The following GATA4 variants were observed in gnomAD, a reference collection of about 807,000 sequenced individuals.
GATA4 encodes the protein transcription factor GATA-4.
In GATA4, 7 loss-of-function variants were observed where a neutral mutation model predicts 37.9. The observed-to-expected ratio is 0.18, with a 90% CI of 0.11 to 0.35. The LOEUF is 0.35. Among genes scored for constraint, GATA4 ranks in the 10% least tolerant of loss-of-function variants. GATA4 has a pLI of 1.00. For missense variants in GATA4, 647 were observed against 653.0 expected (o/e 0.99, Z 0.10); for synonymous variants, 372 against 292.6 (o/e 1.27, Z -2.77).
Position 11,758,874 on chromosome 8 carries a change from G to A in GATA4, c.*399G>A, listed in dbSNP as rs1194248300. On this transcript the variant is annotated 3_prime_UTR_variant, in exon 7 of 7. Transcript: ENST00000532059. ...GGACCCCTGCTCCAGCCCGAATGAC[G>A]GCATCTGTTTGCCATGTACCTGGAT... 1.1e-4 allele frequency: 37 copies of A among 326,358 alleles called. No individual in the cohort carries two copies. The highest frequency in any genetic ancestry group is 3.7e-4 in the Admixed American group (9 of 24,010). The allele number at this position is 326,358 out of a possible 1,614,324, so 20.2% of individuals were successfully genotyped here.
chr8:11,693,123 T>G lies in GATA4; in HGVS notation c.-729+463T>G, dbSNP rs910364193. The G allele has an allele frequency of 4.2e-5, 40 of 958,962 alleles. No homozygotes were observed. The African/African-American group carries it at 6.5e-4, about 16-fold the overall frequency. The allele number at this position is 958,962 out of a possible 1,614,324, so 59.4% of individuals were successfully genotyped here. On this transcript the variant is annotated intron_variant, in intron 1 of 2. Transcript: ENST00000526974. Reference sequence around the variant, plus strand: ...TCCACTTCTTAATCCCAGTGTCTGTTAACGATGTGGTGTTCATTTGTTCCT... The same window carrying G: ...TCCACTTCTTAATCCCAGTGTCTGTGAACGATGTGGTGTTCATTTGTTCCT...
chr8:11,680,846 T>C (rs1798943728), intron 1 of GATA4: 3 of 985,230 alleles, frequency 3.0e-6, no homozygotes, highest in Non-Finnish European at 3.6e-6. Flanking sequence ...GCAAGACACA[T>C]AGCGAAGCCC....
intron 2 of GATA4, among the ~76,000 whole-genome samples, chr8:11,711,095 T>C (rs1585603232): frequency 6.6e-6 from 1 of 151,642 alleles, no homozygotes; most frequent in South Asian, 2.1e-4. Flanking sequence ...ACAGAGGGAG[T>C]ATGTCTCAAA....
At chr8:11,747,581 A>T (rs970081064) in intron 2 of GATA4, among the ~76,000 whole-genome samples, 1 of 152,234 alleles carries the variant, frequency 6.6e-6, no homozygotes, top group Non-Finnish European at 1.5e-5. Flanking sequence ...AAATGAATGA[A>T]TGAAGCTTTT....
intron 2 of GATA4, among the ~76,000 whole-genome samples, chr8:11,731,673 G>A (rs146936542): frequency 6.6e-6 from 1 of 152,228 alleles, no homozygotes; most frequent in Non-Finnish European, 1.5e-5. Context: ...TTTCACAACA[G>A]TGTGAACACA....
intron 2 of GATA4, among the ~76,000 whole-genome samples, chr8:11,742,149 C>A (rs375128546): frequency 6.6e-6 from 1 of 152,114 alleles, no homozygotes; most frequent in Non-Finnish European, 1.5e-5. Context: ...AGTTCTTAGA[C>A]CTCCAGGGAG....
At chr8:11,718,624 C>T (rs909613106) in intron 2 of GATA4, among the ~76,000 whole-genome samples, 1 of 152,240 alleles carries the variant, frequency 6.6e-6, no homozygotes, top group African/African-American at 2.4e-5. Context: ...CCTCACGATT[C>T]TTCCAGGCAG....
At chr8:11,698,045 G>T (rs1799559198) in intron 1 of GATA4, 1 of 982,404 alleles carries the variant, frequency 1.0e-6, no homozygotes, top group Admixed American at 6.1e-5. Context: ...ACCTCGTCCC[G>T]GTCGGGTTCT....
chr8:11,715,547 C>A (rs1800400016), intron 2 of GATA4, among the ~76,000 whole-genome samples: 1 of 152,086 alleles, frequency 6.6e-6, no homozygotes, highest in Non-Finnish European at 1.5e-5. Context: ...AGGAGACCAG[C>A]CTGGCCAATG....
chr8:11,708,660 C>T lies in GATA4; in HGVS notation c.348C>T (p.Ser116=), dbSNP rs772532276. Residue 116 remains serine (S), a synonymous_variant, in exon 2 of 7, where the codon TCC becomes TCT. Coordinates refer to ENST00000532059, the MANE Select transcript of GATA4 (RefSeq NM_001308093.3). The surrounding 1 kb of genome is among the most constrained non-coding windows in gnomAD (Gnocchi z 6.7). The stretch of plus-strand genomic sequence containing the variant: ...TCTCCTTCCCGGGGACCACCGGGTC[C>T]CTGGCGGCCGCCGCCGCCGCTGCCG... The part of the protein sequence containing the change: ...PRFSFPGTTG[S]LAAAAAAAAA... 6.4e-4 allele frequency: 829 copies of T among 1,302,668 alleles called. No individual in the cohort carries two copies. Among genetic ancestry groups the T allele is most frequent in the Non-Finnish European group, 7.6e-4 (781 of 1,028,122 alleles). 80.7% of individuals were successfully genotyped at this position (1,302,668 alleles called of 1,614,324 possible).
At position 11,709,066 on chromosome 8, in the gene GATA4, A is replaced by T; in HGVS notation, c.616+138A>T. On this transcript the variant is annotated intron_variant, in intron 2 of 6. Transcript: ENST00000532059. This position sits in a 1 kb window ranked among gnomAD's most constrained non-coding sequence, Gnocchi z 4.3. ...GCTTCACTACCTCGAGTTTCTAGGGAAGGCAGAAGCCAGTGCGGGGCTGGC... is the reference window on the plus strand; with the variant it reads ...GCTTCACTACCTCGAGTTTCTAGGGTAGGCAGAAGCCAGTGCGGGGCTGGC... 1 of 925,818 alleles carries T rather than the reference A, an allele frequency of 1.1e-6. No individual in the cohort carries two copies. Among genetic ancestry groups the T allele is most frequent in the South Asian group, 2.1e-5 (1 of 48,170 alleles). The allele number at this position is 925,818 out of a possible 1,614,324, so 57.4% of individuals were successfully genotyped here.
At chr8:11,712,676 T>A (rs1035422640) in intron 2 of GATA4, among the ~76,000 whole-genome samples, 1 of 134,158 alleles carries the variant, frequency 7.5e-6, no homozygotes, top group East Asian at 2.1e-4. Flanking sequence ...GACAACATAG[T>A]GAGACCACAT....
intron 1 of GATA4, among the ~76,000 whole-genome samples, chr8:11,680,267 G>A (rs1469604688): frequency 3.3e-5 from 5 of 152,248 alleles, no homozygotes; most frequent in African/African-American, 1.2e-4. Context: ...AGACCAGGCG[G>A]TGCCGGTGGA....
At position 11,709,576 on chromosome 8, in the gene GATA4, G is replaced by GC. The variant is rs1554488892; in HGVS notation, c.616+648_616+649insC. On this transcript the variant is annotated intron_variant, in intron 2 of 6. Transcript: ENST00000532059. This position sits in a 1 kb window ranked among gnomAD's most constrained non-coding sequence, Gnocchi z 4.3. ...CGCGTGGGCGCATCATGCGGGCAGC[G>GC]GGGGGGGGGGCGCACACGCCCGGTC... Among the ~76,000 whole-genome samples, 22 of 41,708 alleles carry GC rather than the reference G, an allele frequency of 5.3e-4. No homozygotes were observed. Among genetic ancestry groups the GC allele is most frequent in the East Asian group, 2.3e-3 (2 of 874 alleles). The allele number at this position is 41,708 out of a possible 152,430, so 27.4% of individuals were successfully genotyped here.
intron 1 of GATA4, chr8:11,697,970 G>A (rs554366269): frequency 5.1e-6 from 5 of 985,480 alleles, no homozygotes; most frequent in Non-Finnish European, 6.0e-6. Context: ...CCAGCCGCGG[G>A]TGTCCCTACC....
intron 2 of GATA4, among the ~76,000 whole-genome samples, chr8:11,740,804 G>T (rs1176565651): frequency 3.9e-5 from 6 of 151,932 alleles, no homozygotes; most frequent in Non-Finnish European, 7.4e-5. Flanking sequence ...CATGATCACG[G>T]CTCACTGCAA....
intron 1 of GATA4, among the ~76,000 whole-genome samples, chr8:11,693,917 C>G (rs4556056): frequency 0.92 from 140,565 of 152,228 alleles, 65,782 homozygotes; most frequent in East Asian, 1. Flanking sequence ...GTGTGTGCGT[C>G]TGTGTGCATG....
At chr8:11,744,324 T>C (rs1420572274) in intron 2 of GATA4, among the ~76,000 whole-genome samples, 1 of 152,210 alleles carries the variant, frequency 6.6e-6, no homozygotes, top group African/African-American at 2.4e-5. Flanking sequence ...TTGTTGTAAG[T>C]TTTTCCTCTC....
chr8:11,738,588 G>A (rs970358834), intron 2 of GATA4, among the ~76,000 whole-genome samples: 43 of 152,232 alleles, frequency 2.8e-4, no homozygotes, highest in African/African-American at 9.2e-4. Context: ...GGAAGGACAT[G>A]CCATAGTGAA....
Sources: allele counts gnomAD v4.1 joint callset (sites outside exome capture counted in the v4.1 genomes callset), GRCh38; gene constraint gnomAD v4.1.1; non-coding constraint Gnocchi (gnomAD v3.1); transcripts MANE v1.5; gene names NCBI Gene and HGNC (gene_info 2026-07-23, HGNC 2026-07-21).